The following GRID2IP variants were observed in gnomAD, a reference collection of about 807,000 sequenced individuals.
GRID2IP encodes the protein delphilin.
In GRID2IP, 78 loss-of-function variants were observed where a neutral mutation model predicts 114.3. The observed-to-expected ratio is 0.68, with a 90% confidence interval of 0.57 to 0.82. The LOEUF is 0.82. Among genes scored for constraint, GRID2IP ranks in the 40% least tolerant of loss-of-function variants. The pLI, the probability that GRID2IP is intolerant of heterozygous loss-of-function variation, is 0.00. For synonymous variants in GRID2IP, 809 were observed against 724.0 expected, an observed-to-expected ratio of 1.12 and a Z score of -1.89; for missense variants, 1,727 against 1,678.5, an observed-to-expected ratio of 1.03 and a Z score of -0.51.
At chr7:6,539,988 G>A (rs987408058) in intron 1 of GRID2IP, 116 bp from the exon 2 acceptor site, 26 of 849,920 alleles carry the variant, frequency 3.1e-5, no homozygotes, top group East Asian at 1.1e-4. Flanking sequence ...TGACGTGGGC[G>A]TACCACCTGA....
chr7:6,531,500 C>T (rs1212708836), intron 2 of GRID2IP, among the ~76,000 whole-genome samples: 1 of 152,234 alleles, frequency 6.6e-6, no homozygotes, highest in Non-Finnish European at 1.5e-5. Context: ...TTTGGTAGAA[C>T]ATGCAATATT....
At chr7:6,512,982 G>A (rs1043082076) in intron 8 of GRID2IP, among the ~76,000 whole-genome samples, 1 of 152,162 alleles carries the variant, frequency 6.6e-6, no homozygotes, top group African/African-American at 2.4e-5. Flanking sequence ...GGTGCAGGAT[G>A]CCTAGAACAG....
At chr7:6,524,764 T>G (rs1779477043) in intron 4 of GRID2IP, among the ~76,000 whole-genome samples, 1 of 151,522 alleles carries the variant, frequency 6.6e-6, no homozygotes. Context: ...TCGCCCAGGC[T>G]GGAGTGCAAT....
chr7:6,521,466 C>G lies in GRID2IP; in HGVS notation c.1047G>C (p.Thr349=). The G allele has an allele frequency of 6.5e-7, 1 of 1,549,256 alleles. No individual in the cohort carries two copies. Among genetic ancestry groups the G allele is most frequent in the Non-Finnish European group, 8.7e-7 (1 of 1,145,888 alleles). The part of the protein sequence containing the change: ...SMLQGSGAMP[T]LVVEEGLVPF... ...GGACGAGCCCTTCCTCCACCACCAG[C>G]GTGGGCATGGCACCACTGCCCTGCA... Residue 349 remains threonine (T), a synonymous_variant, in exon 6 of 22, where the codon ACG becomes ACC. Transcript: ENST00000457091. The surrounding 1 kb of genome is among the most constrained non-coding windows in gnomAD (Gnocchi z 4.1).
At chr7:6,510,258 T>G (rs1179300638) in intron 11 of GRID2IP, 25 bp downstream of exon 11, 12 of 1,445,230 alleles carry the variant, frequency 8.3e-6, no homozygotes, top group Non-Finnish European at 1.1e-5. Context: ...ACCCAGACAG[T>G]AGATGACAGA....
At chr7:6,530,612 C>A (rs1378507686) in intron 2 of GRID2IP, among the ~76,000 whole-genome samples, 1 of 151,632 alleles carries the variant, frequency 6.6e-6, no homozygotes, top group African/African-American at 2.4e-5. Context: ...TGATCATCAG[C>A]CAGCGAAATG....
Position 6,525,215 on chromosome 7 carries a change from G to A in GRID2IP, c.919+1009C>T, listed in dbSNP as rs1000528563. The stretch of plus-strand genomic sequence containing the variant: ...TCAGCTACTCAGGAGGCTGAGGCAG[G>A]AGAATCGCTTGCACCTGGGAGGCAG... On this transcript the variant is annotated intron_variant, in intron 4 of 21. Transcript: ENST00000457091. Among the ~76,000 whole-genome samples the A allele has an allele frequency of 2.6e-5, 4 of 151,938 alleles. No homozygotes were observed. The East Asian group carries it at 5.9e-4, about 22-fold the overall frequency.
intron 1 of GRID2IP, among the ~76,000 whole-genome samples, chr7:6,548,529 A>G (rs1286504528): frequency 6.6e-6 from 1 of 152,038 alleles, no homozygotes; most frequent in Non-Finnish European, 1.5e-5. Context: ...CACAAAAATT[A>G]AAAATCAAAA....
In GRID2IP at chr7:6,502,891, G is replaced by C; in HGVS notation, c.3064-19C>G. 3.2e-6 allele frequency: 5 copies of C among 1,547,950 alleles called. No homozygotes were observed. Among genetic ancestry groups the C allele is most frequent in the Non-Finnish European group, 4.4e-6 (5 of 1,143,470 alleles). On this transcript the variant is annotated intron_variant, in intron 17 of 21. Transcript: ENST00000457091. The stretch of plus-strand genomic sequence containing the variant: ...ACACAAACTGTGGACAAGAAGGTGG[G>C]TAGGTCCTGTCCTCACCCCACCACC...
At chr7:6,515,033 T>C (rs1779267172) in intron 7 of GRID2IP, among the ~76,000 whole-genome samples, 1 of 151,302 alleles carries the variant, frequency 6.6e-6, no homozygotes, top group Non-Finnish European at 1.5e-5. Context: ...GTAGCCAGAC[T>C]CCAATCTCAG....
chr7:6,533,752 C>G (rs1288641060), intron 2 of GRID2IP, among the ~76,000 whole-genome samples: 1 of 151,136 alleles, frequency 6.6e-6, no homozygotes, highest in African/African-American at 2.4e-5. Flanking sequence ...CTCCAGTGAT[C>G]CTCCTACCTC....
chr7:6,547,020 C>T (rs1234375142), intron 1 of GRID2IP, among the ~76,000 whole-genome samples: 1 of 152,150 alleles, frequency 6.6e-6, no homozygotes, highest in Non-Finnish European at 1.5e-5. Context: ...AGCAGTGTAC[C>T]TAGTTCTGCC....
At chr7:6,547,582 T>G (rs932200408) in intron 1 of GRID2IP, among the ~76,000 whole-genome samples, 17 of 152,138 alleles carry the variant, frequency 1.1e-4, no homozygotes, top group Non-Finnish European at 1.8e-4. Context: ...TGGGTTTGTT[T>G]GTTATAGCAG....
chr7:6,537,276 G>T (rs886334407), intron 2 of GRID2IP, among the ~76,000 whole-genome samples: 3 of 151,674 alleles, frequency 2.0e-5, no homozygotes, highest in African/African-American at 7.3e-5. Flanking sequence ...GGGCACGGTG[G>T]CTCACGCCTG....
At position 6,529,944 on chromosome 7, in the gene GRID2IP, TC is replaced by T. The variant is rs1178610907; in HGVS notation, c.585-3176del. Among the ~76,000 whole-genome samples, 363 of 119,804 alleles carry T rather than the reference TC, an allele frequency of 3.0e-3. 1 individual carries two copies. The highest frequency in any genetic ancestry group is 4.9e-3 in the Admixed American group (56 of 11,382). 78.6% of individuals were successfully genotyped at this position (119,804 alleles called of 152,430 possible). On this transcript the variant is annotated intron_variant, in intron 2 of 21. Transcript: ENST00000457091. ...GGTCCTCTCTCCCCACCCAGCTTTC[TC>T]TCTCTCTCTCTCTCTCTTTTTTTTT...
chr7:6,540,053 T>C (rs78901064), intron 1 of GRID2IP, among the ~76,000 whole-genome samples, 181 bp from the exon 2 acceptor site: 1,530 of 151,618 alleles, frequency 0.01, 32 homozygotes, highest in African/African-American at 0.035. Context: ...CTCTCTTCCT[T>C]CCTTTCTTCC....
At chr7:6,498,326 T>C (rs1786317493) in intron 20 of GRID2IP, 98 bp from the exon 21 acceptor site, 4 of 1,203,930 alleles carry the variant, frequency 3.3e-6, no homozygotes, top group Non-Finnish European at 4.5e-6. Context: ...CTATTCCCGG[T>C]TGGCCTGAGT....
At chr7:6,533,288 C>G (rs1464504221) in intron 2 of GRID2IP, among the ~76,000 whole-genome samples, 1 of 152,162 alleles carries the variant, frequency 6.6e-6, no homozygotes, top group Non-Finnish European at 1.5e-5. Context: ...CTAAGAGAAG[C>G]CAATACTAAT....
At chr7:6,497,944 A>G (rs1199148205) in intron 21 of GRID2IP, 99 bp from the exon 22 acceptor site, 20 of 1,400,104 alleles carry the variant, frequency 1.4e-5, no homozygotes, top group Non-Finnish European at 1.7e-5. Context: ...TCAGGGGGTT[A>G]GGGGGACATG....
Sources: allele counts gnomAD v4.1 joint callset (sites outside exome capture counted in the v4.1 genomes callset), GRCh38; gene constraint gnomAD v4.1.1; non-coding constraint Gnocchi (gnomAD v3.1); transcripts MANE v1.5; gene names NCBI Gene and HGNC (gene_info 2026-07-23, HGNC 2026-07-21).